Variants in SLC35A3 observed in about 807,000 individuals in gnomAD.
SLC35A3 encodes the protein solute carrier family 35 member A3.
Under a neutral mutation model 39.0 loss-of-function variants are expected in SLC35A3, and 26 were observed. That is an observed-to-expected ratio of 0.67 (90% CI 0.49 to 0.92). The LOEUF (loss-of-function observed/expected upper bound fraction) is 0.92. Ranked by LOEUF, SLC35A3 falls within the 40% of genes least tolerant of loss-of-function variation. The pLI is 0.00. For synonymous variants in SLC35A3, 135 were observed against 133.1 expected (o/e 1.01, Z -0.10); for missense variants, 299 against 371.6 (o/e 0.80, Z 1.61).
intron 5 of SLC35A3, among the ~76,000 whole-genome samples, chr1:100,014,305 C>A (rs2101408508): frequency 6.6e-6 from 1 of 152,288 alleles, no homozygotes; most frequent in South Asian, 2.1e-4. Flanking sequence ...ACTGTAACCT[C>A]AAACTTCTGG....
intron 2 of SLC35A3, among the ~76,000 whole-genome samples, chr1:99,998,602 G>A (rs1658558074): frequency 6.6e-6 from 1 of 152,116 alleles, no homozygotes; most frequent in Non-Finnish European, 1.5e-5. Flanking sequence ...TTGGTGCAGG[G>A]TTGCCACAAA....
chr1:99,979,995 G>C (rs1398351007), intron 1 of SLC35A3, among the ~76,000 whole-genome samples: 1 of 151,574 alleles, frequency 6.6e-6, no homozygotes, highest in African/African-American at 2.4e-5. Context: ...AGTGAGCCGA[G>C]ATCACACCAT....
chr1:99,989,486 G>A (rs547359208), intron 1 of SLC35A3, among the ~76,000 whole-genome samples: 9 of 152,138 alleles, frequency 5.9e-5, no homozygotes, highest in African/African-American at 2.2e-4. Flanking sequence ...ATTTCATTAT[G>A]TTGGCCAGGC....
intron 1 of SLC35A3, among the ~76,000 whole-genome samples, chr1:99,977,907 C>T (rs1008944795): frequency 6.6e-6 from 1 of 152,092 alleles, no homozygotes; most frequent in Admixed American, 6.5e-5. Flanking sequence ...AATGTTAGTA[C>T]GTGGGGAGCA....
At chr1:100,001,877 A>G (rs1484934646) in intron 3 of SLC35A3, among the ~76,000 whole-genome samples, 2 of 152,114 alleles carry the variant, frequency 1.3e-5, no homozygotes, top group Admixed American at 1.3e-4. Flanking sequence ...TTTATTCTTC[A>G]TTCTGTTGAT....
chr1:99,970,492 C>CG (rs1570552032), intron 1 of SLC35A3: 1 of 1,403,586 alleles, frequency 7.1e-7, no homozygotes, highest in Non-Finnish European at 9.7e-7. Context: ...GAGCTAGTGA[C>CG]GGGTGGGCCC....
At chr1:99,997,548 T>C (rs1189504002) in intron 2 of SLC35A3, among the ~76,000 whole-genome samples, 1 of 145,188 alleles carries the variant, frequency 6.9e-6, no homozygotes, top group African/African-American at 2.5e-5. Flanking sequence ...CTAATATATA[T>C]ATTATATATA....
intron 5 of SLC35A3, 72 bp downstream of exon 5, chr1:100,011,605 C>T: frequency 2.0e-6 from 1 of 508,694 alleles, no homozygotes; most frequent in Non-Finnish European, 3.1e-6. Context: ...TTCTATATAT[C>T]TTTAAATAAA....
rs1661325178 is a variant in SLC35A3 at position 100,033,061 on chromosome 1, T to C, written c.*10585T>C. 6.6e-6 allele frequency: 1 copy of C among 152,224 alleles called. No homozygotes were observed. Among genetic ancestry groups the C allele is most frequent in the Admixed American group, 6.5e-5 (1 of 15,282 alleles). 9.4% of individuals were successfully genotyped at this position (152,224 alleles called of 1,614,324 possible). A position where few individuals can be genotyped will look rare whatever the true frequency, so the allele number is the denominator to read the frequency against. On this transcript the variant is annotated 3_prime_UTR_variant, in exon 8 of 8. Coordinates refer to ENST00000533028, the MANE Select transcript of SLC35A3 (RefSeq NM_012243.3). ...TGAATGGAATTTATTATAGAATCCA[T>C]TGTTACTGAGCTGTCATTGTTTCTA...
chr1:99,970,220 C>T (rs1398627653), intron 1 of SLC35A3, 58 bp downstream of exon 1: 2 of 209,940 alleles, frequency 9.5e-6, no homozygotes, highest in East Asian at 1.1e-4. Context: ...GGCTGCGGGG[C>T]GGCCCGGGAA....
At chr1:99,992,415 C>CT (rs1483754570) in intron 1 of SLC35A3, among the ~76,000 whole-genome samples, 3 of 151,492 alleles carry the variant, frequency 2.0e-5, no homozygotes, top group Non-Finnish European at 1.5e-5. Flanking sequence ...CATGATATAT[C>CT]TTTTTTTGTC....
chr1:99,976,052 T>C (rs1341365839), intron 1 of SLC35A3, among the ~76,000 whole-genome samples: 3 of 152,048 alleles, frequency 2.0e-5, no homozygotes, highest in Non-Finnish European at 2.9e-5. Flanking sequence ...AGAGTCAGAC[T>C]TGGTCTCAAA....
chr1:99,970,640 C>T, intron 1 of SLC35A3: 1 of 1,535,558 alleles, frequency 6.5e-7, no homozygotes, highest in African/African-American at 1.4e-5. Flanking sequence ...GAAAGGCTGC[C>T]CTTGGTAAGG....
In SLC35A3 at chr1:100,034,075, A is replaced by C. The variant is rs1410487984; in HGVS notation, c.*11599A>C. 6.6e-6 allele frequency: 1 copy of C among 152,160 alleles called. No individual in the cohort carries two copies. Among genetic ancestry groups the C allele is most frequent in the Non-Finnish European group, 1.5e-5 (1 of 68,022 alleles). 9.4% of individuals were successfully genotyped at this position (152,160 alleles called of 1,614,324 possible). On this transcript the variant is annotated 3_prime_UTR_variant, in exon 8 of 8. Coordinates refer to ENST00000533028, the MANE Select transcript of SLC35A3 (RefSeq NM_012243.3). ...TTGAGTTTGTCTGAATTTGTGCTTC[A>C]CTGTTGGGTTGCTTGATGTTATCAT...
intron 1 of SLC35A3, 129 bp from the exon 2 acceptor site, chr1:99,993,408 T>G (rs1658200272): frequency 7.6e-6 from 5 of 661,844 alleles, no homozygotes; most frequent in African/African-American, 1.9e-5. Flanking sequence ...TTTTTTTCTT[T>G]TTTCTTTTTG....
intron 3 of SLC35A3, among the ~76,000 whole-genome samples, chr1:100,004,820 G>A (rs1659094678): frequency 6.6e-6 from 1 of 152,088 alleles, no homozygotes; most frequent in African/African-American, 2.4e-5. Flanking sequence ...GTGCACTGCA[G>A]TATCAAACTC....
chr1:99,997,747 T>C (rs1017215081), intron 2 of SLC35A3, among the ~76,000 whole-genome samples: 1 of 151,960 alleles, frequency 6.6e-6, no homozygotes, highest in Non-Finnish European at 1.5e-5. Flanking sequence ...ACAGGCTTAA[T>C]TTGTAGCAGC....
chr1:100,027,178 G>A lies in SLC35A3; in HGVS notation c.*4702G>A. 2.5e-6 allele frequency: 1 copy of A among 398,634 alleles called. No homozygotes were observed. Among genetic ancestry groups the A allele is most frequent in the Admixed American group, 4.4e-5 (1 of 22,728 alleles). 24.7% of individuals were successfully genotyped at this position (398,634 alleles called of 1,614,324 possible). On this transcript the variant is annotated 3_prime_UTR_variant, in exon 8 of 8. Coordinates refer to ENST00000533028, the MANE Select transcript of SLC35A3 (RefSeq NM_012243.3). ...GCATGAAATACTGGGTTGGCCAGGTGCAGTGGCTCATTCCTGTAATCCCAA... is the reference window on the plus strand; with the variant it reads ...GCATGAAATACTGGGTTGGCCAGGTACAGTGGCTCATTCCTGTAATCCCAA...
Position 100,028,589 on chromosome 1 carries a change from A to G in SLC35A3, c.*6113A>G, listed in dbSNP as rs1455165557. The G allele has an allele frequency of 6.6e-6, 1 of 152,250 alleles. No individual in the cohort carries two copies. Among genetic ancestry groups the G allele is most frequent in the Non-Finnish European group, 1.5e-5 (1 of 68,142 alleles). 9.4% of individuals were successfully genotyped at this position (152,250 alleles called of 1,614,324 possible). A position where few individuals can be genotyped will look rare whatever the true frequency, so the allele number is the denominator to read the frequency against. ...GTGATCTGCCTGCCTTGGCCTCCCA[A>G]AGTGTTGGGATTACAGGCGTGAGCG... is the stretch of plus-strand genomic sequence containing the variant. On this transcript the variant is annotated 3_prime_UTR_variant, in exon 8 of 8. Coordinates refer to ENST00000533028, the MANE Select transcript of SLC35A3 (RefSeq NM_012243.3).
Sources: allele counts gnomAD v4.1 joint callset (sites outside exome capture counted in the v4.1 genomes callset), GRCh38; gene constraint gnomAD v4.1.1; transcripts MANE v1.5; gene names NCBI Gene and HGNC (gene_info 2026-07-23, HGNC 2026-07-21).